ITPKB: variants seen among roughly 807,000 people sequenced by gnomAD.
ITPKB encodes the protein IP3 3-kinase B.
In ITPKB, 13 loss-of-function variants were observed where a neutral mutation model predicts 69.4. The observed-to-expected ratio is 0.19, with a 90% CI of 0.12 to 0.30. The LOEUF (loss-of-function observed/expected upper bound fraction) is 0.30. Among genes scored for constraint, ITPKB ranks in the 10% least tolerant of loss-of-function variants. The pLI is 1.00. For missense variants in ITPKB, 1,240 were observed against 1,250.5 expected, an observed-to-expected ratio of 0.99 and a Z score of 0.13; for synonymous variants, 584 against 513.7, an observed-to-expected ratio of 1.14 and a Z score of -1.85.
chr1:226,667,851 TGTGC>T (rs901108594), intron 2 of ITPKB, among the ~76,000 whole-genome samples: 73 of 151,086 alleles, frequency 4.8e-4, no homozygotes, highest in East Asian at 2.3e-3. Flanking sequence ...TGTGTGTGTG[TGTGC>T]GCGCGCGCGT....
rs1019125700 is a variant in ITPKB at position 226,707,693 on chromosome 1, G to C, written c.1932+27834C>G. 4.9e-6 allele frequency: 5 copies of C among 1,029,074 alleles called. No individual in the cohort carries two copies. The East Asian group carries it at 3.2e-4, about 66-fold the overall frequency. 63.7% of individuals were successfully genotyped at this position (1,029,074 alleles called of 1,614,324 possible). A position where few individuals can be genotyped will look rare whatever the true frequency, so the allele number is the denominator to read the frequency against. ...TGTAGAGTCCCTCTTGAAAACTAAA[G>C]AATTACAAATTACAACTTCAAGGGA... On this transcript the variant is annotated intron_variant, in intron 2 of 7. Transcript: ENST00000429204.
chr1:226,689,935 AG>A (rs1223514280), intron 2 of ITPKB, among the ~76,000 whole-genome samples: 10 of 152,130 alleles, frequency 6.6e-5, no homozygotes, highest in Non-Finnish European at 1.2e-4. Context: ...GTTCCTGCAA[AG>A]GACATGATCT....
intron 2 of ITPKB, among the ~76,000 whole-genome samples, chr1:226,665,556 A>C (rs2102761275): frequency 6.6e-6 from 1 of 152,228 alleles, no homozygotes. Context: ...ACCAAGACAA[A>C]ACGGGCCTCT....
At chr1:226,639,430 T>A in intron 6 of ITPKB, 127 bp downstream of exon 6, 1 of 691,850 alleles carries the variant, frequency 1.4e-6, no homozygotes, top group Non-Finnish European at 2.6e-6. Context: ...TACAGAGCCC[T>A]ACGAACTCGG....
chr1:226,675,940 A>G (rs372729336), intron 2 of ITPKB, among the ~76,000 whole-genome samples: 2 of 152,164 alleles, frequency 1.3e-5, no homozygotes, highest in African/African-American at 4.8e-5. Flanking sequence ...AGAAGATCCC[A>G]TAGTCTGGTC....
intron 2 of ITPKB, among the ~76,000 whole-genome samples, chr1:226,665,502 G>A (rs1237087612): frequency 6.6e-6 from 1 of 152,216 alleles, no homozygotes; most frequent in Non-Finnish European, 1.5e-5. Context: ...CACACACCAT[G>A]CAAGTAAGAT....
chr1:226,707,797 C>T (rs1056008975), intron 2 of ITPKB: 18 of 1,092,146 alleles, frequency 1.6e-5, no homozygotes, highest in South Asian at 1.5e-4. Flanking sequence ...CAGATGACCC[C>T]GTAATTGGCT....
Position 226,634,989 on chromosome 1 carries a change from G to C in ITPKB, c.2626-103C>G, listed in dbSNP as rs190388111. The C allele has an allele frequency of 2.5e-6, 2 of 801,068 alleles. No individual in the cohort carries two copies. Among genetic ancestry groups the C allele is most frequent in the Non-Finnish European group, 4.0e-6 (2 of 501,664 alleles). 49.6% of individuals were successfully genotyped at this position (801,068 alleles called of 1,614,324 possible). A position where few individuals can be genotyped will look rare whatever the true frequency, so the allele number is the denominator to read the frequency against. The stretch of plus-strand genomic sequence containing the variant: ...CCAGGTGGGGAGGCTCGCTCAGGCC[G>C]GACAGTTGGGTGCCTGCAATTCCAA... On this transcript the variant is annotated intron_variant, in intron 7 of 7. Transcript: ENST00000429204. The surrounding 1 kb of genome is among the most constrained non-coding windows in gnomAD (Gnocchi z 6.3).
intron 2 of ITPKB, among the ~76,000 whole-genome samples, chr1:226,677,575 T>C (rs1306727501): frequency 6.6e-6 from 1 of 152,228 alleles, no homozygotes; most frequent in Non-Finnish European, 1.5e-5. Flanking sequence ...GTACTCCCTC[T>C]TCCCCTTAAG....
chr1:226,681,621 A>G (rs1258009961), intron 2 of ITPKB, among the ~76,000 whole-genome samples: 3 of 152,232 alleles, frequency 2.0e-5, no homozygotes, highest in Non-Finnish European at 2.9e-5. Context: ...AAAATTAAAT[A>G]TAAACATTTT....
rs557557896 is a variant in ITPKB, at chr1:226,660,117, C to T, written c.1933-11346G>A. On this transcript the variant is annotated intron_variant, in intron 2 of 7. Transcript: ENST00000429204. ...CCCCACGGCTGGCAGCCTGGCTGGC[C>T]CCAGGCCCCAGGGGTCTTTTTCACT... 2.1e-3 allele frequency among the ~76,000 whole-genome samples: 313 copies of T among 152,338 alleles called. 1 individual carries two copies. Among genetic ancestry groups the T allele is most frequent in the African/African-American group, 7.2e-3 (298 of 41,584 alleles).
At chr1:226,683,481 A>T (rs1352235727) in intron 2 of ITPKB, among the ~76,000 whole-genome samples, 1 of 152,144 alleles carries the variant, frequency 6.6e-6, no homozygotes, top group Middle Eastern at 3.2e-3. Flanking sequence ...CTCATCAGAA[A>T]CAGGATTTGA....
At chr1:226,723,273 T>A (rs1179651860) in intron 2 of ITPKB, among the ~76,000 whole-genome samples, 1 of 152,124 alleles carries the variant, frequency 6.6e-6, no homozygotes, top group Non-Finnish European at 1.5e-5. Flanking sequence ...GTAGGTTCTC[T>A]GTGGCTCACT....
At chr1:226,636,873 GTGTT>G (rs1270366149) in intron 7 of ITPKB, among the ~76,000 whole-genome samples, 47 of 152,250 alleles carry the variant, frequency 3.1e-4, no homozygotes, top group African/African-American at 1.0e-3. Context: ...ATACATGTGT[GTGTT>G]TGTATACGTA....
intron 2 of ITPKB, among the ~76,000 whole-genome samples, chr1:226,699,740 G>A (rs1656588729): frequency 6.6e-6 from 1 of 151,972 alleles, no homozygotes; most frequent in Non-Finnish European, 1.5e-5. Context: ...AAGAAAGAAA[G>A]AAAGAAAGAA....
At chr1:226,683,508 C>G (rs1656133542) in intron 2 of ITPKB, among the ~76,000 whole-genome samples, 1 of 152,076 alleles carries the variant, frequency 6.6e-6, no homozygotes, top group Non-Finnish European at 1.5e-5. Context: ...GTATATGTAC[C>G]AAGAACCCAT....
chr1:226,643,773 G>A (rs143196253), intron 4 of ITPKB, among the ~76,000 whole-genome samples: 1 of 152,322 alleles, frequency 6.6e-6, no homozygotes, highest in East Asian at 1.9e-4. Context: ...GCTTTGGGTT[G>A]GGCCCTTGCA....
chr1:226,717,250 A>C, intron 2 of ITPKB, among the ~76,000 whole-genome samples: 1 of 152,200 alleles, frequency 6.6e-6, no homozygotes, highest in East Asian at 1.9e-4. Flanking sequence ...GATGGCAAGG[A>C]CATGGGCAAG....
At chr1:226,667,205 C>T (rs566276576) in intron 2 of ITPKB, among the ~76,000 whole-genome samples, 1 of 152,098 alleles carries the variant, frequency 6.6e-6, no homozygotes, top group Non-Finnish European at 1.5e-5. Context: ...TGAGTGTTAC[C>T]CCCACTAGAG....
Sources: allele counts gnomAD v4.1 joint callset (sites outside exome capture counted in the v4.1 genomes callset), GRCh38; gene constraint gnomAD v4.1.1; non-coding constraint Gnocchi (gnomAD v3.1); transcripts MANE v1.5; gene names NCBI Gene and HGNC (gene_info 2026-07-23, HGNC 2026-07-21).